The following NINL variants were observed in gnomAD, a reference collection of about 807,000 sequenced individuals.
NINL encodes ninein-like protein.
Under a neutral mutation model 160.3 loss-of-function variants are expected in NINL, and 153 were observed. The observed-to-expected ratio is 0.95, with a 90% CI of 0.84 to 1.09. The LOEUF (loss-of-function observed/expected upper bound fraction) is 1.09, where lower values mean the gene tolerates loss of function less well. NINL is among the 50% of genes least tolerant of loss of function. The pLI, the probability that NINL is intolerant of heterozygous loss-of-function variation, is 0.00. For missense variants in NINL, 1,829 were observed against 1,764.0 expected, an observed-to-expected ratio of 1.04 and a Z score of -0.66; for synonymous variants, 800 against 734.8, an observed-to-expected ratio of 1.09 and a Z score of -1.43.
chr20:25,532,518 G>C (rs2064483043), intron 1 of NINL, among the ~76,000 whole-genome samples: 1 of 152,192 alleles, frequency 6.6e-6, no homozygotes, highest in African/African-American at 2.4e-5. Context: ...ATGTGAGCAG[G>C]GAAATACAGG....
chr20:25,457,047 C>G (rs183767036), intron 22 of NINL, among the ~76,000 whole-genome samples: 1 of 151,982 alleles, frequency 6.6e-6, no homozygotes, highest in Non-Finnish European at 1.5e-5. Flanking sequence ...GGCCCAGGGC[C>G]GGGCGCAGTG....
intron 18 of NINL, 53 bp from the exon 19 acceptor site, chr20:25,467,511 T>C: frequency 7.3e-7 from 1 of 1,369,782 alleles, no homozygotes. Flanking sequence ...ACCAGTGCCT[T>C]CTTTCCTGGT....
intron 14 of NINL, 134 bp from the exon 15 acceptor site, chr20:25,480,401 TC>T: frequency 1.5e-6 from 1 of 673,298 alleles, no homozygotes; most frequent in South Asian, 1.7e-5. Flanking sequence ...TGACGCTGCG[TC>T]CTTAAAGTCA....
At chr20:25,481,554 G>T (rs887672481) in intron 14 of NINL, among the ~76,000 whole-genome samples, 5 of 152,114 alleles carry the variant, frequency 3.3e-5, no homozygotes, top group African/African-American at 1.2e-4. Context: ...CTTGGGGGGT[G>T]GTGCCAGCTA....
intron 5 of NINL, among the ~76,000 whole-genome samples, chr20:25,507,700 G>A (rs1386686649): frequency 6.6e-6 from 1 of 152,196 alleles, no homozygotes; most frequent in African/African-American, 2.4e-5. Flanking sequence ...TCCCCCAAAG[G>A]AAGCCAGACT....
At chr20:25,571,576 AG>A (rs900561012) in intron 1 of NINL, among the ~76,000 whole-genome samples, 2 of 152,226 alleles carry the variant, frequency 1.3e-5, no homozygotes, top group African/African-American at 4.8e-5. Context: ...GCTATTTAAA[AG>A]TTGCTTTAGG....
In NINL at chr20:25,526,461, G is replaced by C; in HGVS notation, c.127C>G (p.Gln43Glu). ...GTCTGCAGGAGGACGGGCAGCTGCT[G>C]CTCCAGGTGAAGCTTAAGGCAGAGC... ...TQLCLKLHLEQQLPVLLQTLL... is the reference protein window; with the variant it reads ...TQLCLKLHLEEQLPVLLQTLL... Residue 43 changes from glutamine (Q) to glutamate (E), a missense_variant, in exon 2 of 24, where the codon CAG becomes GAG. Gln to Glu is a conservative substitution (Grantham distance 29). Transcript: ENST00000278886. 6.2e-7 allele frequency: 1 copy of C among 1,614,136 alleles called. No homozygotes were observed. The highest frequency in any genetic ancestry group is 8.5e-7 in the Non-Finnish European group (1 of 1,179,978).
intron 17 of NINL, 141 bp from the exon 18 acceptor site, chr20:25,470,236 T>G: frequency 1.5e-6 from 1 of 669,780 alleles, no homozygotes. Flanking sequence ...ACCATTCCTT[T>G]CCCTCTTCCT....
Position 25,553,016 on chromosome 20 carries a change from G to A in NINL, c.-11-26418C>T, listed in dbSNP as rs1002195274. Among the ~76,000 whole-genome samples, 7 of 151,790 alleles carry A rather than the reference G, an allele frequency of 4.6e-5. No homozygotes were observed. The South Asian group carries it at 6.2e-4, about 13-fold the overall frequency. On this transcript the variant is annotated intron_variant, in intron 1 of 23. Transcript: ENST00000278886. Reference sequence around the variant, plus strand: ...CTCAGCTCACCTTTTGCTTCCCCACGCAAGGGCACTGGTGCAGCGGCCTTG... The same window carrying A: ...CTCAGCTCACCTTTTGCTTCCCCACACAAGGGCACTGGTGCAGCGGCCTTG...
At chr20:25,496,366 G>A (rs2063752152) in intron 10 of NINL, among the ~76,000 whole-genome samples, 1 of 152,180 alleles carries the variant, frequency 6.6e-6, no homozygotes, top group Non-Finnish European at 1.5e-5. Context: ...GCAGCTAGGG[G>A]CCGAAAGGCT....
chr20:25,491,491 G>GC lies in NINL; in HGVS notation c.1344_1345insG (p.Leu449AlafsTer5). 2.5e-6 allele frequency: 4 copies of GC among 1,614,046 alleles called. No individual in the cohort carries two copies. The highest frequency in any genetic ancestry group is 3.4e-6 in the Non-Finnish European group (4 of 1,180,002). On this transcript the variant is annotated frameshift_variant, in exon 11 of 24. Coordinates refer to ENST00000278886, the MANE Select transcript of NINL (RefSeq NM_025176.6). LOFTEE classifies it high-confidence loss of function. Reference sequence around the variant, plus strand: ...TCCGCCTCCACCTCAGACCGCAGGAGGCTCAGCCTTTCCCGGTACCCCTGC... The same window carrying GC: ...TCCGCCTCCACCTCAGACCGCAGGAGCGCTCAGCCTTTCCCGGTACCCCTGC...
chr20:25,569,536 C>T (rs1032581740), intron 1 of NINL, among the ~76,000 whole-genome samples: 5 of 152,192 alleles, frequency 3.3e-5, no homozygotes, highest in African/African-American at 7.2e-5. Flanking sequence ...CAGCAGCCAG[C>T]GGCCCATGTC....
At chr20:25,557,433 A>G (rs2064878914) in intron 1 of NINL, among the ~76,000 whole-genome samples, 1 of 152,122 alleles carries the variant, frequency 6.6e-6, no homozygotes, top group South Asian at 2.1e-4. Flanking sequence ...CGGGAAGCCA[A>G]GGGAGGTGAA....
At chr20:25,508,076 G>C (rs150063562) in intron 5 of NINL, among the ~76,000 whole-genome samples, 4 of 152,356 alleles carry the variant, frequency 2.6e-5, no homozygotes, top group Non-Finnish European at 4.4e-5. Context: ...TCAAGTTCAA[G>C]GATGTAAGAC....
At chr20:25,555,984 T>TGA (rs2064861402) in intron 1 of NINL, among the ~76,000 whole-genome samples, 2 of 144,412 alleles carry the variant, frequency 1.4e-5, no homozygotes, top group Non-Finnish European at 1.5e-5. Context: ...TTATTTTCAA[T>TGA]AAAAAAAAAA....
chr20:25,513,360 A>G (rs901082276), intron 3 of NINL, among the ~76,000 whole-genome samples: 42 of 152,352 alleles, frequency 2.8e-4, no homozygotes, highest in African/African-American at 1.0e-3. Flanking sequence ...ATCCAACAAC[A>G]TATAGCCGAT....
intron 2 of NINL, among the ~76,000 whole-genome samples, chr20:25,521,927 C>T (rs2064270602): frequency 6.6e-6 from 1 of 151,644 alleles, no homozygotes; most frequent in African/African-American, 2.4e-5. Flanking sequence ...ATTTACTACA[C>T]TTTTTTTTTG....
intron 8 of NINL, among the ~76,000 whole-genome samples, chr20:25,499,533 G>C (rs1338165985): frequency 6.6e-6 from 1 of 152,102 alleles, no homozygotes; most frequent in Non-Finnish European, 1.5e-5. Flanking sequence ...TTGGAACCGA[G>C]AGACTTGTGC....
intron 17 of NINL, among the ~76,000 whole-genome samples, chr20:25,471,388 A>G (rs1822721144): frequency 6.6e-6 from 1 of 152,198 alleles, no homozygotes; most frequent in Non-Finnish European, 1.5e-5. Flanking sequence ...AGTCACTGGA[A>G]TTAAAGGCAG....
Sources: gnomAD v4.1 joint callset for allele counts (sites outside exome capture counted in the v4.1 genomes callset) on GRCh38, gnomAD v4.1.1 for gene constraint, MANE v1.5 for transcripts, NCBI Gene and HGNC (gene_info 2026-07-23, HGNC 2026-07-21) for gene names.